Variants in EYS observed in about 807,000 individuals in gnomAD.
EYS encodes the protein protein eyes shut homolog.
Under a neutral mutation model 282.1 loss-of-function variants are expected in EYS, and 250 were observed. The ratio of observed to expected loss-of-function variants is 0.89; its 90% CI spans 0.80 to 0.98. EYS has a LOEUF of 0.98. Ranked by LOEUF, EYS falls within the 50% of genes least tolerant of loss-of-function variation. The pLI, the probability that EYS is intolerant of heterozygous loss-of-function variation, is 0.00. For synonymous variants in EYS, 1,355 were observed against 1,282.9 expected (o/e 1.06, Z -1.20); for missense variants, 4,016 against 3,709.0 (o/e 1.08, Z -2.15).
At position 65,345,932 on chromosome 6, in the gene EYS, A is replaced by C. The variant is rs376068801; in HGVS notation, c.1460-1755T>G. ...CTGAGATGCTCTGGGTTTAAAAAGC[A>C]TCTGAGAATCTGATACTAAGGTGGG... On this transcript the variant is annotated intron_variant, in intron 9 of 42. Transcript: ENST00000503581. Among the ~76,000 whole-genome samples, 11 of 152,026 alleles carry C rather than the reference A, an allele frequency of 7.2e-5. No individual in the cohort carries two copies. In the East Asian group the frequency reaches 1.9e-3, roughly 27 times the overall value.
chr6:64,789,643 T>C (rs963357056), intron 22 of EYS, among the ~76,000 whole-genome samples: 5 of 152,266 alleles, frequency 3.3e-5, no homozygotes, highest in Admixed American at 6.5e-5. Flanking sequence ...ATTATCATTA[T>C]CACATTGTAT....
intron 34 of EYS, among the ~76,000 whole-genome samples, chr6:63,989,384 CT>C (rs1316645177): frequency 6.6e-6 from 1 of 151,520 alleles, no homozygotes. Context: ...AGCTTAAATT[CT>C]TAAAAATTGT....
At chr6:63,965,925 C>T (rs150827029) in intron 35 of EYS, among the ~76,000 whole-genome samples, 2,332 of 152,234 alleles carry the variant, frequency 0.015, 59 homozygotes, top group African/African-American at 0.053. Flanking sequence ...AGAATTCAAA[C>T]GGATATGGGC....
intron 36 of EYS, among the ~76,000 whole-genome samples, chr6:63,856,415 A>G (rs1348351525): frequency 6.6e-6 from 1 of 152,196 alleles, no homozygotes; most frequent in Admixed American, 6.6e-5. Context: ...ATAATGACAA[A>G]GTGCTGGAAT....
chr6:65,658,576 G>A (rs1205620497), intron 1 of EYS, among the ~76,000 whole-genome samples: 1 of 151,596 alleles, frequency 6.6e-6, no homozygotes, highest in Non-Finnish European at 1.5e-5. Flanking sequence ...TAACATGATT[G>A]TATTTTGAGT....
chr6:63,836,345 T>C (rs746568074), intron 36 of EYS, among the ~76,000 whole-genome samples: 1 of 151,992 alleles, frequency 6.6e-6, no homozygotes, highest in Non-Finnish European at 1.5e-5. Context: ...CCAAAAAAAT[T>C]TGGTAAAATA....
At chr6:63,872,637 C>T (rs948886281) in intron 35 of EYS, among the ~76,000 whole-genome samples, 2 of 151,956 alleles carry the variant, frequency 1.3e-5, no homozygotes, top group Non-Finnish European at 2.9e-5. Flanking sequence ...TGCCGCCATG[C>T]CTGGCTAATT....
At chr6:65,473,644 G>A (rs1765296218) in intron 5 of EYS, among the ~76,000 whole-genome samples, 1 of 151,794 alleles carries the variant, frequency 6.6e-6, no homozygotes, top group Admixed American at 6.6e-5. Context: ...CTAAACTTCA[G>A]AATAATTATC....
chr6:64,262,662 G>A (rs1261027097), intron 30 of EYS, among the ~76,000 whole-genome samples: 4 of 151,948 alleles, frequency 2.6e-5, no homozygotes, highest in African/African-American at 7.2e-5. Flanking sequence ...TAATGTTGGA[G>A]AGAAACATCT....
chr6:64,720,160 C>G (rs1199868207), intron 22 of EYS, among the ~76,000 whole-genome samples: 1 of 152,176 alleles, frequency 6.6e-6, no homozygotes, highest in Non-Finnish European at 1.5e-5. Flanking sequence ...TCACCTTTTC[C>G]AGCTTCTACA....
rs535155333 is a variant in EYS at position 64,164,099 on chromosome 6, G to A, written c.6424+66493C>T. On this transcript the variant is annotated intron_variant, in intron 31 of 42. Transcript: ENST00000503581. ...GTAAACTCCTAAATGGTGATCTTGA[G>A]GTATCTGCAGGCAAACTCTCAAATG... Among the ~76,000 whole-genome samples, 39 of 152,148 alleles carry A rather than the reference G, an allele frequency of 2.6e-4. 1 individual carries two copies. In the South Asian group the frequency reaches 3.3e-3, roughly 13 times the overall value.
chr6:64,332,638 G>A (rs1271923431), intron 29 of EYS, among the ~76,000 whole-genome samples: 2 of 152,112 alleles, frequency 1.3e-5, no homozygotes, highest in African/African-American at 4.8e-5. Flanking sequence ...CTGATCCTGT[G>A]GTGAGACCAA....
intron 31 of EYS, among the ~76,000 whole-genome samples, chr6:64,195,485 T>C (rs1203233948): frequency 6.6e-6 from 1 of 152,148 alleles, no homozygotes; most frequent in Admixed American, 6.5e-5. Flanking sequence ...GTAGTTTTAG[T>C]AGAGACGGGG....
intron 37 of EYS, among the ~76,000 whole-genome samples, chr6:63,793,319 G>A (rs938442396): frequency 2.8e-4 from 42 of 151,796 alleles, no homozygotes; most frequent in Admixed American, 2.1e-3. Flanking sequence ...GCCAAAGGTC[G>A]AGAGTGTTGA....
chr6:63,915,999 A>T (rs1159648227), intron 35 of EYS, among the ~76,000 whole-genome samples: 1 of 152,256 alleles, frequency 6.6e-6, no homozygotes, highest in East Asian at 1.9e-4. Flanking sequence ...TTTAGTTGAT[A>T]AAGCAGTGGT....
intron 36 of EYS, among the ~76,000 whole-genome samples, chr6:63,815,520 T>G (rs1230929217): frequency 1.3e-5 from 2 of 152,194 alleles, no homozygotes; most frequent in African/African-American, 4.8e-5. Context: ...CCACTTTACT[T>G]TCCTCCCAAG....
chr6:65,695,176 G>A (rs1285725840), intron 1 of EYS, among the ~76,000 whole-genome samples: 2 of 151,860 alleles, frequency 1.3e-5, no homozygotes, highest in African/African-American at 4.8e-5. Context: ...TAAATGATTA[G>A]GCACCACTGA....
At chr6:64,096,867 C>G (rs1027785778) in intron 31 of EYS, among the ~76,000 whole-genome samples, 1 of 152,150 alleles carries the variant, frequency 6.6e-6, no homozygotes, top group African/African-American at 2.4e-5. Flanking sequence ...TCTGTTTTTT[C>G]CCCATCTTTG....
In EYS at chr6:64,862,725, C is replaced by T. The variant is rs1166698868; in HGVS notation, c.2992+23972G>A. Among the ~76,000 whole-genome samples the T allele has an allele frequency of 2.0e-5, 3 of 151,962 alleles. No homozygotes were observed. In the East Asian group the frequency reaches 5.8e-4, roughly 29 times the overall value. The stretch of plus-strand genomic sequence containing the variant: ...CTATTTTTACTGAATGCCAGGCATT[C>T]GTATGTAATGGCACAGACTGAGGTG... On this transcript the variant is annotated intron_variant, in intron 19 of 42. Transcript: ENST00000503581.
Sources: gnomAD v4.1 joint callset for allele counts (sites outside exome capture counted in the v4.1 genomes callset) on GRCh38, gnomAD v4.1.1 for gene constraint, MANE v1.5 for transcripts, NCBI Gene and HGNC (gene_info 2026-07-23, HGNC 2026-07-21) for gene names.